The following ZFAT variants were observed in gnomAD, a reference collection of about 807,000 sequenced individuals.
ZFAT encodes the protein zinc finger protein ZFAT.
In ZFAT, 64 loss-of-function variants were observed where a neutral mutation model predicts 117.7. The observed-to-expected ratio is 0.54, with a 90% CI of 0.44 to 0.67. The LOEUF (loss-of-function observed/expected upper bound fraction) is 0.67. ZFAT is among the 30% of genes least tolerant of loss of function. ZFAT has a pLI of 0.00. For synonymous variants in ZFAT, 679 were observed against 615.0 expected (o/e 1.10, Z -1.54); for missense variants, 1,433 against 1,584.5 (o/e 0.90, Z 1.62).
At chr8:134,756,718 C>A in the ZFAT span, among the ~76,000 whole-genome samples, 1 of 152,218 alleles carries the variant, frequency 6.6e-6, no homozygotes, top group Admixed American at 6.5e-5. Flanking sequence ...CAGTGACTGA[C>A]CTTCTTGCTT....
chr8:134,610,519 C>T lies in ZFAT; in HGVS notation c.585G>A (p.Ala195=), dbSNP rs557015063. The T allele has an allele frequency of 3.1e-5, 50 of 1,614,130 alleles. 1 individual carries two copies. The East Asian group carries it at 3.6e-4, about 12-fold the overall frequency. ...SGKEARQLSG[A]KKPIISVVLT... The stretch of plus-strand genomic sequence containing the variant: ...AAACCACACTTATGATGGGTTTCTT[C>T]GCCCCAGAAAGCTGTCTGGCCTCCT... Residue 195 remains alanine (A), a synonymous_variant, in exon 4 of 16, where the codon GCG becomes GCA. Coordinates refer to ENST00000377838, the MANE Select transcript of ZFAT (RefSeq NM_020863.4).
chr8:134,611,569 G>A (rs1247349912), intron 3 of ZFAT, among the ~76,000 whole-genome samples: 3 of 152,214 alleles, frequency 2.0e-5, no homozygotes, highest in Non-Finnish European at 4.4e-5. Context: ...GACCAGTCAG[G>A]CCTGGGGAGG....
chr8:134,605,805 G>A (rs752157035), intron 5 of ZFAT, among the ~76,000 whole-genome samples: 1 of 152,102 alleles, frequency 6.6e-6, no homozygotes, highest in Non-Finnish European at 1.5e-5. Flanking sequence ...AGGTACTCAG[G>A]ATACAAAAGG....
At chr8:134,756,575 G>T in the ZFAT span, among the ~76,000 whole-genome samples, 1 of 152,152 alleles carries the variant, frequency 6.6e-6, no homozygotes, top group African/African-American at 2.4e-5. Context: ...CTTCAGGTCC[G>T]GTGCCCTGTC....
chr8:134,560,298 C>A (rs368332547), intron 11 of ZFAT, among the ~76,000 whole-genome samples: 1 of 152,138 alleles, frequency 6.6e-6, no homozygotes, highest in Non-Finnish European at 1.5e-5. Context: ...ATGTCTCTCA[C>A]GACAGCATTT....
chr8:134,679,283 T>C (rs1832953775), intron 1 of ZFAT, among the ~76,000 whole-genome samples: 1 of 152,214 alleles, frequency 6.6e-6, no homozygotes. Context: ...GTGAAGGATA[T>C]GAATAGACAC....
chr8:134,644,877 GCA>G (rs1189897380), intron 2 of ZFAT, among the ~76,000 whole-genome samples: 1 of 151,870 alleles, frequency 6.6e-6, no homozygotes, highest in African/African-American at 2.4e-5. Context: ...CACACAACGT[GCA>G]CACTCAAACG....
chr8:134,577,681 C>T (rs890347306), intron 10 of ZFAT, among the ~76,000 whole-genome samples: 1 of 151,954 alleles, frequency 6.6e-6, no homozygotes, highest in Non-Finnish European at 1.5e-5. Context: ...TGTAGTAAGT[C>T]GAAAATCTCT....
intron 1 of ZFAT, among the ~76,000 whole-genome samples, chr8:134,689,807 A>G (rs1038330796): frequency 3.9e-5 from 6 of 152,148 alleles, no homozygotes; most frequent in Admixed American, 3.3e-4. Flanking sequence ...AAGGACACAC[A>G]CTCCAGCCCA....
At chr8:134,692,720 T>C (rs1401426185) in intron 1 of ZFAT, among the ~76,000 whole-genome samples, 1 of 152,214 alleles carries the variant, frequency 6.6e-6, no homozygotes, top group Non-Finnish European at 1.5e-5. Flanking sequence ...TCAACCCAAG[T>C]AACTTTGGAA....
chr8:134,805,083 C>G, the ZFAT span: 6 of 283,416 alleles, frequency 2.1e-5, no homozygotes, highest in Non-Finnish European at 4.5e-5. Flanking sequence ...AAAGTTAATG[C>G]TAATAATTAA....
chr8:134,481,456 C>A (rs578092048), intron 15 of ZFAT, among the ~76,000 whole-genome samples: 115 of 152,350 alleles, frequency 7.5e-4, no homozygotes, highest in African/African-American at 2.7e-3. Context: ...GACATAGTGA[C>A]TGCCACCGAA....
At chr8:134,586,888 C>T (rs1826107548) in intron 9 of ZFAT, among the ~76,000 whole-genome samples, 1 of 152,214 alleles carries the variant, frequency 6.6e-6, no homozygotes, top group Admixed American at 6.5e-5. Flanking sequence ...AATTACTTCA[C>T]CTCTCTAAGC....
intron 1 of ZFAT, among the ~76,000 whole-genome samples, chr8:134,706,493 A>G (rs1468838895): frequency 6.6e-6 from 1 of 152,170 alleles, no homozygotes; most frequent in Non-Finnish European, 1.5e-5. Flanking sequence ...GGAGTTCCAG[A>G]CCAGCCTGGC....
At chr8:134,728,175 G>C in the ZFAT span, among the ~76,000 whole-genome samples, 2 of 150,810 alleles carry the variant, frequency 1.3e-5, no homozygotes, top group African/African-American at 4.9e-5. Flanking sequence ...CTAAGGCCAA[G>C]CTTAAGCCAG....
rs114587645 is a variant in ZFAT, at chr8:134,683,291, T to C, written c.20-25554A>G. 3.8e-3 allele frequency among the ~76,000 whole-genome samples: 577 copies of C among 152,238 alleles called. 4 individuals carry two copies. The highest frequency in any genetic ancestry group is 0.013 in the African/African-American group (546 of 41,550). On this transcript the variant is annotated intron_variant, in intron 1 of 15. Coordinates refer to ENST00000377838, the MANE Select transcript of ZFAT (RefSeq NM_020863.4). ...AGATATGATTATCCCACGTTACAGA[T>C]GAGAAAGCTATAACTTGCCTAAGAA...
chr8:134,540,596 C>T (rs763616336), intron 11 of ZFAT, among the ~76,000 whole-genome samples: 3 of 152,202 alleles, frequency 2.0e-5, no homozygotes, highest in Non-Finnish European at 2.9e-5. Context: ...AAAAGTCCCA[C>T]CTACACCACC....
chr8:134,581,896 C>T (rs1825738312), intron 10 of ZFAT, among the ~76,000 whole-genome samples: 1 of 152,144 alleles, frequency 6.6e-6, no homozygotes, highest in Admixed American at 6.6e-5. Context: ...GACCTGGATG[C>T]CCTTCTTACC....
At chr8:134,736,374 G>A in the ZFAT span, among the ~76,000 whole-genome samples, 2 of 152,256 alleles carry the variant, frequency 1.3e-5, no homozygotes, top group South Asian at 4.1e-4. Context: ...AGGTTTCGGG[G>A]ATGCAACCAA....
Sources: allele counts gnomAD v4.1 joint callset (sites outside exome capture counted in the v4.1 genomes callset), GRCh38; gene constraint gnomAD v4.1.1; transcripts MANE v1.5; gene names NCBI Gene and HGNC (gene_info 2026-07-23, HGNC 2026-07-21).